ZNF385B: variants seen among roughly 807,000 people sequenced by gnomAD.
ZNF385B encodes zinc finger protein 385B.
Under a neutral mutation model 39.2 loss-of-function variants are expected in ZNF385B, and 23 were observed. The observed-to-expected ratio is 0.59, with a 90% CI of 0.42 to 0.83. The LOEUF (loss-of-function observed/expected upper bound fraction) is 0.83. Among genes scored for constraint, ZNF385B ranks in the 40% least tolerant of loss-of-function variants. ZNF385B has a pLI of 0.00. For missense variants in ZNF385B, 552 were observed against 598.9 expected, an observed-to-expected ratio of 0.92 and a Z score of 0.82; for synonymous variants, 205 against 222.6, an observed-to-expected ratio of 0.92 and a Z score of 0.70.
chr2:179,810,942 T>C (rs1906012), intron 1 of ZNF385B, among the ~76,000 whole-genome samples: 47,084 of 151,962 alleles, frequency 0.31, 7,580 homozygotes, highest in Admixed American at 0.44. Flanking sequence ...CCAGAACTGA[T>C]AGATGACTTC....
intron 3 of ZNF385B, among the ~76,000 whole-genome samples, chr2:179,757,744 C>T (rs1006232098): frequency 6.6e-6 from 1 of 152,166 alleles, no homozygotes; most frequent in Non-Finnish European, 1.5e-5. Context: ...GCTCCGTGGG[C>T]GTGGGACCCT....
intron 3 of ZNF385B, among the ~76,000 whole-genome samples, chr2:179,737,293 C>T (rs2106442220): frequency 6.6e-6 from 1 of 152,236 alleles, no homozygotes; most frequent in East Asian, 1.9e-4. Context: ...TGTTACTTTT[C>T]TCTACTTCTC....
intron 3 of ZNF385B, among the ~76,000 whole-genome samples, chr2:179,548,342 T>G (rs1283862720): frequency 6.7e-6 from 1 of 149,652 alleles, no homozygotes; most frequent in African/African-American, 2.5e-5. Context: ...TGTATAACTT[T>G]CATGTAGTAT....
At chr2:179,459,588 AGTGTGTGTGT>A (rs3053314) in intron 6 of ZNF385B, among the ~76,000 whole-genome samples, 1 of 145,940 alleles carries the variant, frequency 6.9e-6, no homozygotes, top group Non-Finnish European at 1.5e-5. Flanking sequence ...AGAGAAAATA[AGTGTGTGTGT>A]GTGTGTGTGT....
intron 3 of ZNF385B, among the ~76,000 whole-genome samples, chr2:179,661,357 C>T (rs1235542442): frequency 6.6e-6 from 1 of 152,152 alleles, no homozygotes; most frequent in Non-Finnish European, 1.5e-5. Context: ...ATGTATATTC[C>T]CTGGTTCTGA....
At chr2:179,705,938 G>A (rs1699561109) in intron 3 of ZNF385B, among the ~76,000 whole-genome samples, 1 of 152,178 alleles carries the variant, frequency 6.6e-6, no homozygotes, top group Admixed American at 6.5e-5. Context: ...CCCTCTCTCT[G>A]TCCCCTTTCT....
chr2:179,446,480 G>A (rs2271760), intron 7 of ZNF385B, 45 bp downstream of exon 7: 184,483 of 1,565,228 alleles, frequency 0.12, 13,812 homozygotes, highest in East Asian at 0.32. Flanking sequence ...GGAAAAGTTG[G>A]GTTTTGTTAT....
intron 1 of ZNF385B, among the ~76,000 whole-genome samples, chr2:179,805,172 T>G (rs1706273543): frequency 6.6e-6 from 1 of 152,108 alleles, no homozygotes; most frequent in South Asian, 2.1e-4. Context: ...GAAAAAACCA[T>G]GCCATATGGA....
chr2:179,445,411 A>G (rs774872495), intron 8 of ZNF385B, 139 bp downstream of exon 8: 41 of 723,596 alleles, frequency 5.7e-5, no homozygotes, highest in Non-Finnish European at 8.5e-5. Context: ...GTTAGCACCT[A>G]TATGTTGCAT....
chr2:179,807,581 C>G (rs1347773635), intron 1 of ZNF385B, among the ~76,000 whole-genome samples: 1 of 149,972 alleles, frequency 6.7e-6, no homozygotes, highest in African/African-American at 2.5e-5. Context: ...AGACTCCATC[C>G]CCTCCCCCGC....
intron 3 of ZNF385B, among the ~76,000 whole-genome samples, chr2:179,627,894 C>G (rs1690816296): frequency 2.0e-5 from 3 of 151,902 alleles, no homozygotes; most frequent in African/African-American, 7.3e-5. Context: ...TTCTATGTCT[C>G]TTTGCCTACC....
intron 1 of ZNF385B, among the ~76,000 whole-genome samples, chr2:179,806,676 T>C (rs1313919486): frequency 6.6e-6 from 1 of 152,156 alleles, no homozygotes; most frequent in Non-Finnish European, 1.5e-5. Context: ...AACCCCACAA[T>C]GTTGGTATGA....
intron 3 of ZNF385B, among the ~76,000 whole-genome samples, chr2:179,668,416 A>G (rs941694739): frequency 1.3e-5 from 2 of 152,088 alleles, no homozygotes; most frequent in African/African-American, 4.8e-5. Context: ...CTTTTTAGCT[A>G]CTTCTTCCAG....
chr2:179,576,541 G>A (rs879823202), intron 3 of ZNF385B, among the ~76,000 whole-genome samples: 12 of 152,136 alleles, frequency 7.9e-5, no homozygotes, highest in African/African-American at 2.2e-4. Context: ...ACTAAGGTTG[G>A]ATGAAGTATT....
chr2:179,754,231 A>G (rs1191968047), intron 3 of ZNF385B, among the ~76,000 whole-genome samples: 1 of 152,292 alleles, frequency 6.6e-6, no homozygotes, highest in East Asian at 1.9e-4. Flanking sequence ...ATGCTGTATT[A>G]CATTTATTGA....
intron 3 of ZNF385B, among the ~76,000 whole-genome samples, chr2:179,733,093 C>T (rs1701501269): frequency 6.6e-6 from 1 of 152,154 alleles, no homozygotes; most frequent in Admixed American, 6.5e-5. Flanking sequence ...AGAGTTATTT[C>T]CAGCAAGTAT....
chr2:179,583,225 C>T (rs11683510), intron 3 of ZNF385B, among the ~76,000 whole-genome samples: 12,287 of 152,022 alleles, frequency 0.081, 578 homozygotes, highest in Middle Eastern at 0.19. Context: ...AATGTTGAGG[C>T]TAAAAAGGGC....
chr2:179,517,253 A>G (rs1342300894), intron 5 of ZNF385B, among the ~76,000 whole-genome samples: 1 of 151,962 alleles, frequency 6.6e-6, no homozygotes, highest in African/African-American at 2.4e-5. Flanking sequence ...ATATTTAAGA[A>G]ACAGCTTGCC....
rs188544327 is a variant in ZNF385B, at chr2:179,555,295, G to A, written c.299-10326C>T. Among the ~76,000 whole-genome samples, 11 of 149,574 alleles carry A rather than the reference G, an allele frequency of 7.4e-5. No individual in the cohort carries two copies. In the East Asian group the frequency reaches 1.9e-3, roughly 26 times the overall value. ...AAAACCAGGCAAAGTAATTTATTCT[G>A]TTAGGATAGTGGCTTTCCTTATAGA... On this transcript the variant is annotated intron_variant, in intron 3 of 9. Coordinates refer to ENST00000410066, the MANE Select transcript of ZNF385B (RefSeq NM_152520.6).
Sources: allele counts gnomAD v4.1 joint callset (sites outside exome capture counted in the v4.1 genomes callset), GRCh38; gene constraint gnomAD v4.1.1; transcripts MANE v1.5; gene names NCBI Gene and HGNC (gene_info 2026-07-23, HGNC 2026-07-21).